TAFA5: variants seen among roughly 807,000 people sequenced by gnomAD.
TAFA5 encodes the protein TAFA chemokine like family member 5.
Under a neutral mutation model 15.3 loss-of-function variants are expected in TAFA5, and 6 were observed. The ratio of observed to expected loss-of-function variants is 0.39; its 90% CI spans 0.21 to 0.77. TAFA5 has a LOEUF of 0.77. Among genes scored for constraint, TAFA5 ranks in the 30% least tolerant of loss-of-function variants. The pLI is 0.41. For synonymous variants in TAFA5, 103 were observed against 80.7 expected (o/e 1.28, Z -1.48); for missense variants, 161 against 193.1 (o/e 0.83, Z 0.98).
intron 2 of TAFA5, among the ~76,000 whole-genome samples, chr22:48,695,701 G>A (rs1752641172): frequency 6.6e-6 from 1 of 152,158 alleles, no homozygotes; most frequent in Admixed American, 6.5e-5. Context: ...AGGTTTGGGG[G>A]TGGGCAAGGG....
In TAFA5 at chr22:48,490,065, G is replaced by A. The variant is rs981270030; in HGVS notation, c.112+361G>A. On this transcript the variant is annotated intron_variant, in intron 1 of 3. Transcript: ENST00000402357. This position sits in a 1 kb window ranked among gnomAD's most constrained non-coding sequence, Gnocchi z 5.8. ...CGCTCAGGAGGCAGCCGCAGGTCGC[G>A]GAGGGCGGGCGGCGCTGCCGGGGTG... Among the ~76,000 whole-genome samples, 3 of 152,020 alleles carry A rather than the reference G, an allele frequency of 2.0e-5. No homozygotes were observed. The highest frequency in any genetic ancestry group is 7.2e-5 in the African/African-American group (3 of 41,424).
intron 3 of TAFA5, among the ~76,000 whole-genome samples, chr22:48,739,289 A>G (rs1384409142): frequency 1.3e-5 from 2 of 152,224 alleles, no homozygotes; most frequent in Non-Finnish European, 2.9e-5. Flanking sequence ...GAAGTATGCT[A>G]GACTATTTAA....
intron 3 of TAFA5, among the ~76,000 whole-genome samples, chr22:48,729,578 A>G (rs1183378213): frequency 6.8e-6 from 1 of 148,016 alleles, no homozygotes; most frequent in Non-Finnish European, 1.5e-5. Context: ...AAAATTATTC[A>G]CAAGTGTATG....
At chr22:48,679,773 C>T (rs1002573572) in intron 2 of TAFA5, among the ~76,000 whole-genome samples, 3 of 142,580 alleles carry the variant, frequency 2.1e-5, no homozygotes, top group South Asian at 4.8e-4. Flanking sequence ...ATCCCTCTCC[C>T]GGCTCCCTGT....
chr22:48,646,753 A>T lies in TAFA5; in HGVS notation c.262+7A>T. The T allele has an allele frequency of 6.4e-7, 1 of 1,566,252 alleles. No individual in the cohort carries two copies. The highest frequency in any genetic ancestry group is 8.6e-7 in the Non-Finnish European group (1 of 1,160,514). On this transcript the variant is annotated splice_region_variant and intron_variant, in intron 2 of 3. Transcript: ENST00000402357. ...CGGCCCGCCTGTGTGGACGGTAAGC[A>T]CCCGTGGCCCCAGGACCCCTCCGGG...
At chr22:48,671,589 A>G (rs1927805731) in intron 2 of TAFA5, among the ~76,000 whole-genome samples, 1 of 152,136 alleles carries the variant, frequency 6.6e-6, no homozygotes, top group Non-Finnish European at 1.5e-5. Context: ...CAGTGTCTGG[A>G]GAGGAACCTG....
At chr22:48,507,792 G>A (rs1211230968) in intron 1 of TAFA5, among the ~76,000 whole-genome samples, 2 of 152,136 alleles carry the variant, frequency 1.3e-5, no homozygotes, top group African/African-American at 4.8e-5. Context: ...CCCCTGCCTG[G>A]GAGCTGTCGG....
chr22:48,712,384 C>T (rs997871899), intron 3 of TAFA5, among the ~76,000 whole-genome samples: 3 of 152,164 alleles, frequency 2.0e-5, no homozygotes, highest in Admixed American at 1.3e-4. Context: ...AAGTGCAGGC[C>T]GTCACCCCAT....
chr22:48,587,098 C>T (rs1160799819), intron 1 of TAFA5, among the ~76,000 whole-genome samples: 3 of 152,244 alleles, frequency 2.0e-5, no homozygotes, highest in Non-Finnish European at 4.4e-5. Context: ...ACATGCAGGT[C>T]TCTCTTCATG....
chr22:48,621,613 A>T lies in TAFA5; in HGVS notation c.113-24984A>T, dbSNP rs890261233. ...TCCCAGGGTGAAAGCAGGGAAGAGC[A>T]GCTCCACTGAGTCCGGCTGTGGCCG... On this transcript the variant is annotated intron_variant, in intron 1 of 3. Transcript: ENST00000402357. 3.3e-5 allele frequency among the ~76,000 whole-genome samples: 5 copies of T among 152,208 alleles called. No individual in the cohort carries two copies. In the East Asian group the frequency reaches 9.7e-4, roughly 29 times the overall value.
intron 2 of TAFA5, among the ~76,000 whole-genome samples, chr22:48,695,231 C>G (rs1415710140): frequency 2.0e-5 from 3 of 152,244 alleles, no homozygotes; most frequent in African/African-American, 7.2e-5. Context: ...TTTTCCCATG[C>G]TGTTGATTGA....
intron 2 of TAFA5, among the ~76,000 whole-genome samples, chr22:48,687,995 T>C (rs962032529): frequency 2.3e-5 from 3 of 128,854 alleles, no homozygotes; most frequent in African/African-American, 8.6e-5. Context: ...CTGAGGAACA[T>C]GATTAGAGGG....
intron 1 of TAFA5, chr22:48,547,100 G>T (rs1190848588): frequency 1.3e-5 from 2 of 152,550 alleles, no homozygotes; most frequent in Non-Finnish European, 2.9e-5. Context: ...CAAAATTGAA[G>T]TGTAGAAACA....
At chr22:48,693,440 T>C in intron 2 of TAFA5, 2 of 1,605,370 alleles carry the variant, frequency 1.2e-6, no homozygotes, top group Non-Finnish European at 1.7e-6. Context: ...AAGGAGGGAC[T>C]GCGACTCTTG....
At chr22:48,732,148 G>A (rs1196168499) in intron 3 of TAFA5, among the ~76,000 whole-genome samples, 2 of 152,250 alleles carry the variant, frequency 1.3e-5, no homozygotes, top group African/African-American at 2.4e-5. Flanking sequence ...ACTCGATTTG[G>A]AAGTGGAGTC....
At chr22:48,716,314 C>A (rs1247437367) in intron 3 of TAFA5, among the ~76,000 whole-genome samples, 2 of 152,178 alleles carry the variant, frequency 1.3e-5, no homozygotes, top group Non-Finnish European at 2.9e-5. Flanking sequence ...GTGGCATATA[C>A]ACACCGTGGA....
chr22:48,687,025 TGGATGGATTGATGGA>T (rs1244404645), intron 2 of TAFA5, among the ~76,000 whole-genome samples: 2 of 149,530 alleles, frequency 1.3e-5, no homozygotes, highest in Admixed American at 6.7e-5. Context: ...AGTGGATGGA[TGGATGGATTGATGGA>T]GGATGGATAG....
At chr22:48,702,138 T>C (rs2147246996) in intron 2 of TAFA5, among the ~76,000 whole-genome samples, 1 of 151,944 alleles carries the variant, frequency 6.6e-6, no homozygotes, top group African/African-American at 2.4e-5. Context: ...AGTGTGTGTG[T>C]GTGCGTGTGT....
At chr22:48,627,821 G>T (rs1018870802) in intron 1 of TAFA5, among the ~76,000 whole-genome samples, 1 of 152,240 alleles carries the variant, frequency 6.6e-6, no homozygotes, top group African/African-American at 2.4e-5. Flanking sequence ...GGAGGCACAG[G>T]CCTGGCCTGG....
Sources: gnomAD v4.1 joint callset for allele counts (sites outside exome capture counted in the v4.1 genomes callset) on GRCh38, gnomAD v4.1.1 for gene constraint, Gnocchi (gnomAD v3.1) non-coding constraint, MANE v1.5 for transcripts, NCBI Gene and HGNC (gene_info 2026-07-23, HGNC 2026-07-21) for gene names.